AHRR: variants seen among roughly 807,000 people sequenced by gnomAD.
The protein encoded by AHRR is aryl hydrocarbon receptor repressor.
AHRR carries 28 observed loss-of-function variants against 44.0 expected under a neutral mutation model. The ratio of observed to expected loss-of-function variants is 0.64; its 90% CI spans 0.47 to 0.87. AHRR has a LOEUF of 0.87. Ranked by LOEUF, AHRR falls within the 40% of genes least tolerant of loss-of-function variation. The probability of loss-of-function intolerance (pLI) is 0.00; values close to 1 mark genes in which losing one functional copy is unlikely to be tolerated. For synonymous variants in AHRR, 434 were observed against 407.0 expected (o/e 1.07, Z -0.80); for missense variants, 990 against 953.9 (o/e 1.04, Z -0.50).
intron 8 of AHRR, 29 bp downstream of exon 8, chr5:428,035 A>G (rs187824311): frequency 8.6e-4 from 1,377 of 1,598,724 alleles, no homozygotes; most frequent in Non-Finnish European, 1.1e-3. Context: ...TCACAGCCAC[A>G]TGGTGCCTGC....
chr5:423,480 C>T (rs56346498), intron 6 of AHRR, among the ~76,000 whole-genome samples: 40,212 of 152,136 alleles, frequency 0.26, 6,937 homozygotes, highest in Non-Finnish European at 0.39. Flanking sequence ...TTCTCTCGCA[C>T]GTATCCGCAG....
At chr5:332,487 C>T (rs757602932) in intron 1 of AHRR, among the ~76,000 whole-genome samples, 1 of 151,872 alleles carries the variant, frequency 6.6e-6, no homozygotes, top group Non-Finnish European at 1.5e-5. Flanking sequence ...AGGCTGGTCT[C>T]GAACTCCTGA....
Position 434,555 on chromosome 5 carries a change from C to G in AHRR, c.1815C>G (p.Ser605Arg), listed in dbSNP as rs1356065122. Residue 605 changes from serine (S) to arginine (R), a missense_variant, in exon 11 of 11, where the codon AGC (serine) becomes AGG (arginine). By Grantham distance (110) the Ser-to-Arg change is moderately radical. Transcript: ENST00000684583. ...ATGGGAGGGCCACTGCTGGGCGCAG[C>G]AGGGAGCTGACCCCTTTCCACCCTG... ...QPHGRATAGR[S>R]RELTPFHPAH... The G allele has an allele frequency of 1.9e-6, 3 of 1,600,186 alleles. No homozygotes were observed. Among genetic ancestry groups the G allele is most frequent in the East Asian group, 2.3e-5 (1 of 44,208 alleles).
chr5:416,793 C>T (rs1735834175), intron 5 of AHRR, among the ~76,000 whole-genome samples: 1 of 152,206 alleles, frequency 6.6e-6, no homozygotes, highest in Admixed American at 6.5e-5. Flanking sequence ...AGGACATGGG[C>T]GGACATGACG....
rs548270025 is a variant in AHRR, at chr5:395,522, G to A, written c.352-17822G>A. Among the ~76,000 whole-genome samples the A allele has an allele frequency of 4.6e-5, 7 of 152,216 alleles. No individual in the cohort carries two copies. Among genetic ancestry groups the A allele is most frequent in the Non-Finnish European group, 8.8e-5 (6 of 68,038 alleles). On this transcript the variant is annotated intron_variant, in intron 4 of 10. Transcript: ENST00000684583. The surrounding 1 kb of genome is among the most constrained non-coding windows in gnomAD (Gnocchi z 5.3). ...CACTGCAGGCCAGGTCATCAGAAGC[G>A]CCTGCTCCAGCTCCCACCCTGCCTG...
chr5:372,838 T>C lies in AHRR; in HGVS notation c.245-3772T>C, dbSNP rs183824146. 2.6e-3 allele frequency among the ~76,000 whole-genome samples: 392 copies of C among 152,214 alleles called. 3 individuals are homozygous for C. The highest frequency in any genetic ancestry group is 9.0e-3 in the African/African-American group (374 of 41,544). ...GGTCAGACCGAGTCACAGGCCCAGG[T>C]GCTCGTGGTGGGGGCCAGATGGGGT... On this transcript the variant is annotated intron_variant, in intron 3 of 10. Transcript: ENST00000684583.
intron 1 of AHRR, among the ~76,000 whole-genome samples, chr5:328,773 C>T (rs1201010328): frequency 2.0e-5 from 3 of 152,120 alleles, no homozygotes; most frequent in Admixed American, 1.3e-4. Flanking sequence ...TTGAGTTCCT[C>T]GTATATTCTG....
chr5:339,160 G>A (rs970399842), intron 1 of AHRR, among the ~76,000 whole-genome samples: 3 of 152,176 alleles, frequency 2.0e-5, no homozygotes, highest in African/African-American at 7.2e-5. Context: ...TCAGGCTGGA[G>A]TGCAGTGGTA....
At chr5:349,779 A>C (rs1196406946) in intron 2 of AHRR, among the ~76,000 whole-genome samples, 1 of 151,974 alleles carries the variant, frequency 6.6e-6, no homozygotes, top group East Asian at 1.9e-4. Flanking sequence ...TTTTTGAGTT[A>C]ATTTTTGGAT....
intron 3 of AHRR, 58 bp from the exon 4 acceptor site, chr5:376,552 A>ATGAGAACCGTGGGGTGAACACG: frequency 1.4e-6 from 2 of 1,397,072 alleles, no homozygotes; most frequent in Non-Finnish European, 1.9e-6. Flanking sequence ...ATGTGAATGA[A>ATGAGAACCGTGGGGTGAACACG]GAAGAGTGGC....
intron 5 of AHRR, chr5:422,258 G>T: frequency 5.0e-6 from 1 of 198,114 alleles, no homozygotes; most frequent in South Asian, 8.1e-5. Flanking sequence ...GGTGGAAGGA[G>T]AGAGGACTAG....
rs1735279722 is a variant in AHRR at position 406,902 on chromosome 5, T to C, written c.352-6442T>C. Among the ~76,000 whole-genome samples the C allele has an allele frequency of 6.6e-6, 1 of 152,194 alleles. No homozygotes were observed. The highest frequency in any genetic ancestry group is 2.4e-5 in the African/African-American group (1 of 41,448). ...ATGATCCTGATCAAACAGGCAATAA[T>C]AACAAAGTTTCTTAATAGGGCACCA... On this transcript the variant is annotated intron_variant, in intron 4 of 10. Coordinates refer to ENST00000684583, the MANE Select transcript of AHRR (RefSeq NM_001377236.1). The surrounding 1 kb of genome is among the most constrained non-coding windows in gnomAD (Gnocchi z 4.7).
intron 7 of AHRR, among the ~76,000 whole-genome samples, chr5:426,305 G>A (rs544831524): frequency 1.3e-5 from 2 of 151,362 alleles, no homozygotes; most frequent in East Asian, 3.9e-4. Flanking sequence ...TGGATGAGAA[G>A]ATGATGGATG....
chr5:423,872 G>A lies in AHRR; in HGVS notation c.603G>A (p.Arg201=). The A allele has an allele frequency of 6.2e-7, 1 of 1,605,848 alleles. No homozygotes were observed. ...GDDAILGRLL[R]AQEWGTGTPT... ...ATGCTATCCTGGGGAGGCTGCTCAG[G>A]GCCCAGGAGTGGGGCACAGGCACGC... The change falls in exon 7 of 11, where the codon AGG becomes AGA. Residue 201 remains arginine (R), a synonymous_variant. Transcript: ENST00000684583.
intron 3 of AHRR, among the ~76,000 whole-genome samples, chr5:363,875 A>C (rs962184767): frequency 1.3e-5 from 2 of 152,216 alleles, no homozygotes; most frequent in Admixed American, 1.3e-4. Flanking sequence ...TCCTCTACCT[A>C]GATCACCCAG....
intron 9 of AHRR, 131 bp downstream of exon 9, chr5:432,655 T>C (rs1370591442): frequency 6.7e-7 from 1 of 1,498,292 alleles, no homozygotes; most frequent in East Asian, 2.3e-5. Flanking sequence ...ACTTGGTGTC[T>C]GTCCTGCTGT....
chr5:432,792 CT>C lies in AHRR; in HGVS notation c.971-13del, dbSNP rs764535673. On this transcript the variant is annotated splice_polypyrimidine_tract_variant and intron_variant, in intron 9 of 10. Coordinates refer to ENST00000684583, the MANE Select transcript of AHRR (RefSeq NM_001377236.1). ...CGCACCGTGACGGCTTCCCCCCCCT[CT>C]AAACCCCAACAGGAAGGAGCAGCAG... The C allele has an allele frequency of 2.5e-6, 4 of 1,613,414 alleles. No homozygotes were observed. The highest frequency in any genetic ancestry group is 3.4e-6 in the Non-Finnish European group (4 of 1,179,872).
At position 344,759 on chromosome 5, in the gene AHRR, GT is replaced by G. The variant is rs1256738051; in HGVS notation, c.62+796del. 2.3e-4 allele frequency among the ~76,000 whole-genome samples: 13 copies of G among 55,762 alleles called. 3 individuals carry two copies. Among genetic ancestry groups the G allele is most frequent in the African/African-American group, 1.1e-3 (9 of 8,176 alleles). The allele number at this position is 55,762 out of a possible 152,430, so 36.6% of individuals were successfully genotyped here. On this transcript the variant is annotated intron_variant, in intron 2 of 10. Transcript: ENST00000684583. The stretch of plus-strand genomic sequence containing the variant: ...TGTGTGCGGGGGGAGCTGTGTGTGT[GT>G]GGGTGTGTGTGTGACTGTGCGGGTG...
In AHRR at chr5:378,445, C is replaced by T. The variant is rs375861489; in HGVS notation, c.351+1729C>T. Among the ~76,000 whole-genome samples, 23 of 152,240 alleles carry T rather than the reference C, an allele frequency of 1.5e-4. No homozygotes were observed. The East Asian group carries it at 2.7e-3, about 18-fold the overall frequency. ...ATTTATTTATTTAAGATGCTCCACACGTTCAGAGAGGCTTTAGTAATGATC... is the reference window on the plus strand; with the variant it reads ...ATTTATTTATTTAAGATGCTCCACATGTTCAGAGAGGCTTTAGTAATGATC... On this transcript the variant is annotated intron_variant, in intron 4 of 10. Transcript: ENST00000684583.
Sources: allele counts gnomAD v4.1 joint callset (sites outside exome capture counted in the v4.1 genomes callset), GRCh38; gene constraint gnomAD v4.1.1; non-coding constraint Gnocchi (gnomAD v3.1); transcripts MANE v1.5; gene names NCBI Gene and HGNC (gene_info 2026-07-23, HGNC 2026-07-21).